Variants in OTOGL observed in about 807,000 individuals in gnomAD.
OTOGL encodes otogelin-like protein.
A neutral mutation model predicts 318.5 loss-of-function variants in OTOGL; 285 were observed. The observed-to-expected ratio is 0.89, with a 90% confidence interval of 0.81 to 0.99. The LOEUF (loss-of-function observed/expected upper bound fraction) is 0.99, where lower values mean the gene tolerates loss of function less well. OTOGL is among the 50% of genes least tolerant of loss of function. The probability of loss-of-function intolerance (pLI) is 0.00; values close to 1 mark genes in which losing one functional copy is unlikely to be tolerated. For missense variants in OTOGL, 2,899 were observed against 2,845.6 expected (o/e 1.02, Z -0.43); for synonymous variants, 987 against 936.5 (o/e 1.05, Z -0.99).
intron 1 of OTOGL, among the ~76,000 whole-genome samples, chr12:80,174,887 A>G (rs1874430970): frequency 6.6e-6 from 1 of 152,156 alleles, no homozygotes; most frequent in African/African-American, 2.4e-5. Context: ...GAGGTGCTGA[A>G]CATTTCATTT....
intron 5 of OTOGL, among the ~76,000 whole-genome samples, chr12:80,218,503 CTCA>C (rs1259756000): frequency 1.3e-5 from 2 of 152,142 alleles, no homozygotes; most frequent in Non-Finnish European, 2.9e-5. Flanking sequence ...TGTGGTTCTC[CTCA>C]TGTGTTAAAT....
intron 48 of OTOGL, 102 bp from the exon 49 acceptor site, chr12:80,356,705 C>A (rs1418207469): frequency 1.6e-5 from 11 of 698,680 alleles, no homozygotes; most frequent in Admixed American, 3.7e-5. Context: ...TGATTAAGAA[C>A]TTTAAAATAA....
At chr12:80,247,361 G>T (rs1234170886) in intron 11 of OTOGL, among the ~76,000 whole-genome samples, 1 of 136,278 alleles carries the variant, frequency 7.3e-6, no homozygotes, top group African/African-American at 3.1e-5. Flanking sequence ...CTGGTATGTT[G>T]TGTCTTTGTT....
chr12:80,133,141 T>C (rs1256308095), intron 1 of OTOGL, among the ~76,000 whole-genome samples: 1 of 152,138 alleles, frequency 6.6e-6, no homozygotes, highest in Non-Finnish European at 1.5e-5. Context: ...ACAATCTGAA[T>C]GTTTATCACT....
At chr12:80,339,585 T>C (rs888710046) in intron 43 of OTOGL, among the ~76,000 whole-genome samples, 7 of 152,170 alleles carry the variant, frequency 4.6e-5, no homozygotes, top group Admixed American at 1.3e-4. Flanking sequence ...CACATTTTAA[T>C]TCACTTAATT....
intron 1 of OTOGL, among the ~76,000 whole-genome samples, chr12:80,104,189 G>A (rs901891250): frequency 6.6e-6 from 1 of 152,252 alleles, no homozygotes; most frequent in South Asian, 2.1e-4. Flanking sequence ...TAGTACAGGA[G>A]ATAGGAGTAC....
At chr12:80,107,104 G>A (rs545788751) in intron 1 of OTOGL, among the ~76,000 whole-genome samples, 2 of 152,106 alleles carry the variant, frequency 1.3e-5, no homozygotes, top group African/African-American at 2.4e-5. Flanking sequence ...TGGCAAATTA[G>A]TTGTAAACTG....
intron 8 of OTOGL, among the ~76,000 whole-genome samples, chr12:80,232,562 G>A (rs1228028500): frequency 1.3e-5 from 2 of 152,082 alleles, no homozygotes; most frequent in African/African-American, 4.8e-5. Context: ...TACTAAATAG[G>A]CAAGGTTATT....
In OTOGL at chr12:80,239,318, TC is replaced by T. The variant is rs1565920541; in HGVS notation, c.946-14del. The T allele has an allele frequency of 3.8e-6, 6 of 1,561,708 alleles. No individual in the cohort carries two copies. The highest frequency in any genetic ancestry group is 2.2e-5 in the East Asian group (1 of 44,484). Reference sequence around the variant, plus strand: ...ATGAAACATAGTCTAGTGACTGCCATCTTTTTTTGCACAGGCAATCTTCTTC... The same window carrying T: ...ATGAAACATAGTCTAGTGACTGCCATTTTTTTTGCACAGGCAATCTTCTTC... On this transcript the variant is annotated splice_polypyrimidine_tract_variant and intron_variant, in intron 10 of 58. Transcript: ENST00000547103.
At chr12:80,306,787 ATTT>A in intron 29 of OTOGL, among the ~76,000 whole-genome samples, 1 of 109,258 alleles carries the variant, frequency 9.2e-6, no homozygotes, top group African/African-American at 3.0e-5. Flanking sequence ...TTTTTTTTAA[ATTT>A]TATTTTATTA....
intron 26 of OTOGL, among the ~76,000 whole-genome samples, chr12:80,280,826 G>A (rs970624421): frequency 2.0e-5 from 3 of 151,788 alleles, no homozygotes; most frequent in East Asian, 1.9e-4. Context: ...CTACTCATGA[G>A]CATAAAATGT....
At chr12:80,117,731 T>A (rs1444243817) in intron 1 of OTOGL, among the ~76,000 whole-genome samples, 1 of 152,228 alleles carries the variant, frequency 6.6e-6, no homozygotes, top group African/African-American at 2.4e-5. Flanking sequence ...CTTTTCTACC[T>A]AGTTCTGTTT....
At chr12:80,161,574 C>G (rs1004345847) in intron 1 of OTOGL, among the ~76,000 whole-genome samples, 20 of 151,820 alleles carry the variant, frequency 1.3e-4, no homozygotes, top group African/African-American at 4.4e-4. Context: ...AAATAAAGTA[C>G]AAATATAGAA....
At chr12:80,155,462 T>C (rs1873053074) in intron 1 of OTOGL, among the ~76,000 whole-genome samples, 1 of 152,184 alleles carries the variant, frequency 6.6e-6, no homozygotes, top group African/African-American at 2.4e-5. Context: ...AGTTAATTTT[T>C]TTAATTTTTA....
At chr12:80,356,259 T>A (rs1889892277) in intron 47 of OTOGL, 157 bp from the exon 48 acceptor site, 1 of 627,190 alleles carries the variant, frequency 1.6e-6, no homozygotes, top group Admixed American at 3.1e-5. Context: ...GCCCACTTTG[T>A]TAGATGAGTG....
At position 80,378,542 on chromosome 12, in the gene OTOGL, A is replaced by C. The variant is rs1034136768; in HGVS notation, c.*494A>C. 6.5e-6 allele frequency: 1 copy of C among 153,428 alleles called. No individual in the cohort carries two copies. Among genetic ancestry groups the C allele is most frequent in the African/African-American group, 2.4e-5 (1 of 41,440 alleles). The allele number at this position is 153,428 out of a possible 1,614,324, so 9.5% of individuals were successfully genotyped here. On this transcript the variant is annotated 3_prime_UTR_variant, in exon 59 of 59. Transcript: ENST00000547103. The stretch of plus-strand genomic sequence containing the variant: ...TAGATAATGGATTATTTAAAACCTG[A>C]ATGGTTTATAGAGAAGTCATTATAA...
intron 44 of OTOGL, among the ~76,000 whole-genome samples, chr12:80,343,065 G>A (rs920915950): frequency 8.6e-5 from 13 of 151,994 alleles, no homozygotes; most frequent in African/African-American, 2.2e-4. Context: ...TAGTACAGGC[G>A]GGATTTCACC....
At position 80,239,337 on chromosome 12, in the gene OTOGL, T is replaced by C. The variant is rs1310303143; in HGVS notation, c.950T>C (p.Ile317Thr). 2 of 1,603,134 alleles carry C rather than the reference T, an allele frequency of 1.2e-6. No individual in the cohort carries two copies. The highest frequency in any genetic ancestry group is 3.4e-5 in the Admixed American group (2 of 58,584). The change falls in exon 11 of 59, where the codon ATC becomes ACC. Residue 317 changes from isoleucine (I) to threonine (T), a missense_variant. Physicochemically the swap from Ile to Thr is moderately conservative, Grantham distance 89. This residue lies in a region of OTOGL where 2,607 missense variants were observed against 2,524.9 expected (regional missense o/e 1.03). Coordinates refer to ENST00000547103, the MANE Select transcript of OTOGL (RefSeq NM_001378609.3). ...CSSGMPAFEA[I>T]FFKCQILLQF... ...CTGCCATCTTTTTTTGCACAGGCAA[T>C]CTTCTTCAAGTGTCAGATACTGTTG...
chr12:80,150,660 G>T (rs1377063291), intron 1 of OTOGL, among the ~76,000 whole-genome samples: 1 of 152,152 alleles, frequency 6.6e-6, no homozygotes, highest in Non-Finnish European at 1.5e-5. Flanking sequence ...CTCAATAAGG[G>T]CCTTATAGTT....
Sources: allele counts gnomAD v4.1 joint callset (sites outside exome capture counted in the v4.1 genomes callset), GRCh38; gene constraint gnomAD v4.1.1; regional missense constraint gnomAD v4.1.1; transcripts MANE v1.5; gene names NCBI Gene and HGNC (gene_info 2026-07-23, HGNC 2026-07-21).